DLG3: variants seen among roughly 807,000 people sequenced by gnomAD.
DLG3 encodes the protein discs large MAGUK scaffold protein 3.
DLG3 carries 1 observed loss-of-function variant against 64.1 expected under a neutral mutation model. The ratio of observed to expected loss-of-function variants is 0.02; its 90% CI spans 0.01 to 0.07. The LOEUF (loss-of-function observed/expected upper bound fraction) is 0.07. Ranked by LOEUF, DLG3 falls within the 10% of genes least tolerant of loss-of-function variation. The pLI, the probability that DLG3 is intolerant of heterozygous loss-of-function variation, is 1.00. For missense variants in DLG3, 429 were observed against 669.5 expected (o/e 0.64, Z 3.96); for synonymous variants, 245 against 259.8 (o/e 0.94, Z 0.55).
chrX:70,479,890 C>T (rs1380382102), intron 10 of DLG3, among the ~76,000 whole-genome samples: 2 of 111,075 alleles, frequency 1.8e-5, no homozygotes, highest in African/African-American at 3.3e-5. Flanking sequence ...AAAGCTATTC[C>T]AAGATATTTC....
chrX:70,487,700 G>A (rs1387003226), intron 10 of DLG3, among the ~76,000 whole-genome samples: 1 of 112,460 alleles, frequency 8.9e-6, no homozygotes, highest in Non-Finnish European at 1.9e-5. Flanking sequence ...CGCCCAGGCT[G>A]GAGTGCAATG....
intron 7 of DLG3, chrX:70,452,709 A>G: frequency 8.3e-7 from 1 of 1,201,736 alleles, no homozygotes; most frequent in Non-Finnish European, 1.1e-6. Context: ...GGCTTCGCAG[A>G]GGTGGGCCTG....
Position 70,445,154 on chromosome X carries a change from G to C in DLG3, c.-48G>C. 1 of 1,031,470 alleles carries C rather than the reference G, an allele frequency of 9.7e-7. No individual in the cohort carries two copies. The highest frequency in any genetic ancestry group is 1.3e-6 in the Non-Finnish European group (1 of 776,291). The allele number at this position is 1,031,470 out of a possible 1,213,427, so 85.0% of individuals were successfully genotyped here. A position where few individuals can be genotyped will look rare whatever the true frequency, so the allele number is the denominator to read the frequency against. On this transcript the variant is annotated 5_prime_UTR_variant, in exon 1 of 19. Coordinates refer to ENST00000374360, the MANE Select transcript of DLG3 (RefSeq NM_021120.4). ...CGGTGGTGGCGGCGGTGGCGGCGGC[G>C]TGGAATCCGGCGTGGGCTGGGGGGT...
chrX:70,493,412 T>C (rs1219294698), intron 12 of DLG3: 2 of 1,209,309 alleles, frequency 1.7e-6, no homozygotes, highest in Non-Finnish European at 1.1e-6. Context: ...TTTCCGCCTC[T>C]CTCGAAAGTT....
At chrX:70,485,614 A>G (rs2087240542) in intron 10 of DLG3, among the ~76,000 whole-genome samples, 1 of 111,839 alleles carries the variant, frequency 8.9e-6, no homozygotes, top group Non-Finnish European at 1.9e-5. Flanking sequence ...TAAAATGCTC[A>G]TTTGCTTTGC....
At chrX:70,472,091 G>A (rs759604409) in intron 9 of DLG3, among the ~76,000 whole-genome samples, 28 of 112,016 alleles carry the variant, frequency 2.5e-4, no homozygotes, top group Non-Finnish European at 5.6e-5. Context: ...TTTGCACTCT[G>A]CCATCTACTC....
At chrX:70,475,386 C>G (rs775994504) in intron 9 of DLG3, among the ~76,000 whole-genome samples, 1 of 111,322 alleles carries the variant, frequency 9.0e-6, no homozygotes, top group Non-Finnish European at 1.9e-5. Flanking sequence ...GAGACAGAGT[C>G]TTGCTCTGTC....
chrX:70,496,436 G>T (rs2087456335), intron 13 of DLG3, among the ~76,000 whole-genome samples: 1 of 112,684 alleles, frequency 8.9e-6, no homozygotes, highest in African/African-American at 3.2e-5. Context: ...CTTTGTTTGT[G>T]CCTCCTACGA....
In DLG3 at chrX:70,479,178, T is replaced by C; in HGVS notation, c.1434T>C (p.His478=). 8.3e-7 allele frequency: 1 copy of C among 1,202,835 alleles called. No individual in the cohort carries two copies. Among genetic ancestry groups the C allele is most frequent in the Non-Finnish European group, 1.1e-6 (1 of 889,618 alleles). The part of the protein sequence containing the change: ...EEYSRFESKI[H]DLREQMMNSS... ...ACAGTCGCTTTGAATCGAAGATACA[T>C]GACTTACGAGAACAAATGATGAACA... The change falls in exon 10 of 19, where the codon CAT becomes CAC. Residue 478 remains histidine, a synonymous_variant. Transcript: ENST00000374360.
At position 70,445,231 on chromosome X, in the gene DLG3, C is replaced by T; in HGVS notation, c.30C>T (p.Cys10=). 11 of 1,163,354 alleles carry T rather than the reference C, an allele frequency of 9.5e-6. No homozygotes were observed. The highest frequency in any genetic ancestry group is 1.8e-5 in the African/African-American group (1 of 56,632). Residue 10 remains cysteine (C), a synonymous_variant, in exon 1 of 19, where the codon TGC becomes TGT. Transcript: ENST00000374360. ...ACAAGCACCAGCACTGCTGTAAGTGCCCTGAGTGCTATGAGGTGACCCGCC... is the reference window on the plus strand; with the variant it reads ...ACAAGCACCAGCACTGCTGTAAGTGTCCTGAGTGCTATGAGGTGACCCGCC... The part of the protein sequence containing the change: MHKHQHCCK[C]PECYEVTRLA...
chrX:70,454,235 A>G lies in DLG3; in HGVS notation c.1324A>G (p.Asn442Asp), dbSNP rs1232171050. ...ILSVNGVNLR[N>D]ATHEQAAAAL... ...ACAGGTGAATGGAGTGAATCTGAGGAATGCAACTCATGAGCAGGCTGCAGC... is the reference window on the plus strand; with the variant it reads ...ACAGGTGAATGGAGTGAATCTGAGGGATGCAACTCATGAGCAGGCTGCAGC... The change falls in exon 9 of 19, where the codon AAT becomes GAT. Residue 442 changes from asparagine to aspartate, a missense_variant. By Grantham distance (23) the Asn-to-Asp change is conservative. Transcript: ENST00000374360. 8.3e-7 allele frequency: 1 copy of G among 1,209,655 alleles called. No individual in the cohort carries two copies. Among genetic ancestry groups the G allele is most frequent in the Non-Finnish European group, 1.1e-6 (1 of 894,956 alleles).
Position 70,454,353 on chromosome X carries a change from G to C in DLG3, c.1405+37G>C. 4 of 1,129,703 alleles carry C rather than the reference G, an allele frequency of 3.5e-6. No homozygotes were observed. In the Middle Eastern group the frequency reaches 9.7e-4, roughly 273 times the overall value. The allele number at this position is 1,129,703 out of a possible 1,213,427, so 93.1% of individuals were successfully genotyped here. A position where few individuals can be genotyped will look rare whatever the true frequency, so the allele number is the denominator to read the frequency against. On this transcript the variant is annotated intron_variant, in intron 9 of 18. Transcript: ENST00000374360. ...GAAGGTGGGAAGAGATGATGTGGGG[G>C]AGTTAGACTTATATTATGTGTTGGC...
intron 13 of DLG3, among the ~76,000 whole-genome samples, chrX:70,496,254 T>C (rs1044861464): frequency 8.9e-6 from 1 of 112,354 alleles, no homozygotes; most frequent in Non-Finnish European, 1.9e-5. Context: ...CCATGGGGAT[T>C]GTTCAGGAAC....
intron 12 of DLG3, among the ~76,000 whole-genome samples, chrX:70,494,211 T>A (rs887370405): frequency 8.0e-5 from 9 of 112,775 alleles, no homozygotes; most frequent in Non-Finnish European, 1.5e-4. Context: ...AGAAATTTAA[T>A]CCTGATAAAT....
At chrX:70,453,870 C>A in intron 8 of DLG3, 77 bp downstream of exon 8, 1 of 953,207 alleles carries the variant, frequency 1.0e-6, no homozygotes, top group Non-Finnish European at 1.4e-6. Flanking sequence ...TTACTTCCTC[C>A]GAGGAATGCT....
chrX:70,500,961 G>A lies in DLG3; in HGVS notation c.2319G>A (p.Leu773=), dbSNP rs1301055948. The change falls in exon 18 of 19, where the codon CTG becomes CTA. Residue 773 remains leucine, a synonymous_variant. Coordinates refer to ENST00000374360, the MANE Select transcript of DLG3 (RefSeq NM_021120.4). ...AGATCTATGACAAAGCCATGAAACT[G>A]GAGCAGGAATTTGGAGAGTACTTTA... ...ANKIYDKAMK[L]EQEFGEYFTA... 1 of 1,198,578 alleles carries A rather than the reference G, an allele frequency of 8.3e-7. No homozygotes were observed. The highest frequency in any genetic ancestry group is 1.1e-6 in the Non-Finnish European group (1 of 888,982).
chrX:70,499,131 C>A, intron 14 of DLG3, 45 bp from the exon 15 acceptor site: 1 of 1,002,334 alleles, frequency 1.0e-6, no homozygotes, highest in Non-Finnish European at 1.4e-6. Context: ...GACAGGCTGT[C>A]TGGTGGGGGC....
At chrX:70,466,247 T>G (rs1418597090) in intron 9 of DLG3, among the ~76,000 whole-genome samples, 2 of 84,419 alleles carry the variant, frequency 2.4e-5, no homozygotes, top group African/African-American at 8.9e-5. Context: ...TCTTGGTCAT[T>G]TGTGTGTGTG....
chrX:70,483,860 C>T (rs1036694676), intron 10 of DLG3, among the ~76,000 whole-genome samples: 1 of 112,408 alleles, frequency 8.9e-6, no homozygotes, highest in African/African-American at 3.2e-5. Context: ...AAGCACAGCA[C>T]CTCAGTCTGC....
Sources: allele counts gnomAD v4.1 joint callset (sites outside exome capture counted in the v4.1 genomes callset), GRCh38; gene constraint gnomAD v4.1.1; transcripts MANE v1.5; gene names NCBI Gene and HGNC (gene_info 2026-07-23, HGNC 2026-07-21).